The following CTDP1 variants were observed in gnomAD, a reference collection of about 807,000 sequenced individuals.
CTDP1 encodes the protein RNA polymerase II subunit A C-terminal domain phosphatase.
In CTDP1, 47 loss-of-function variants were observed where a neutral mutation model predicts 91.8. That is an observed-to-expected ratio of 0.51 (90% confidence interval 0.41 to 0.65). The LOEUF (loss-of-function observed/expected upper bound fraction) is 0.65. Among genes scored for constraint, CTDP1 ranks in the 30% least tolerant of loss-of-function variants. The pLI is 0.00. For synonymous variants in CTDP1, 656 were observed against 598.5 expected (o/e 1.10, Z -1.40); for missense variants, 1,272 against 1,373.7 (o/e 0.93, Z 1.17).
chr18:79,696,251 T>C (rs917308089), intron 3 of CTDP1, among the ~76,000 whole-genome samples, 181 bp downstream of exon 3: 1 of 152,176 alleles, frequency 6.6e-6, no homozygotes, highest in Admixed American at 6.5e-5. Flanking sequence ...ACGGTTGCCC[T>C]TGGTTCTCCA....
At chr18:79,746,758 A>G (rs1191401840) in intron 12 of CTDP1, among the ~76,000 whole-genome samples, 1 of 152,202 alleles carries the variant, frequency 6.6e-6, no homozygotes, top group African/African-American at 2.4e-5. Flanking sequence ...GTAGGACCAC[A>G]GGTGCGCACC....
Position 79,680,125 on chromosome 18 carries a change from T to TCCTCCGGGGCCTCTCAGTCCCGTGTAG in CTDP1, c.188_214dup (p.Ala63_Gly71dup). ...GTTCGAGGCCGCCGCCTCCGCGCAG[T>TCCTCCGGGGCCTCTCAGTCCCGTGTAG]CCTCCGGGGCCTCTCAGTCCCGTGT... On this transcript the variant is annotated inframe_insertion, in exon 1 of 13. Coordinates refer to ENST00000613122, the MANE Select transcript of CTDP1 (RefSeq NM_004715.5). The TCCTCCGGGGCCTCTCAGTCCCGTGTAG allele has an allele frequency of 7.0e-7, 1 of 1,426,860 alleles. No individual in the cohort carries two copies. The highest frequency in any genetic ancestry group is 1.5e-5 in the African/African-American group (1 of 67,148). The allele number at this position is 1,426,860 out of a possible 1,614,324, so 88.4% of individuals were successfully genotyped here. A position where few individuals can be genotyped will look rare whatever the true frequency, so the allele number is the denominator to read the frequency against.
chr18:79,681,802 T>G (rs9963896), intron 1 of CTDP1, among the ~76,000 whole-genome samples: 3,660 of 152,240 alleles, frequency 0.024, 128 homozygotes, highest in African/African-American at 0.081. Flanking sequence ...CTGCCTCCAG[T>G]CCATGGGCGG....
At chr18:79,736,144 G>A in intron 11 of CTDP1, 1 of 636,494 alleles carries the variant, frequency 1.6e-6, no homozygotes, top group South Asian at 1.9e-5. Flanking sequence ...AACCGACTGG[G>A]TTTGCTCTGT....
Position 79,714,594 on chromosome 18 carries a change from G to A in CTDP1, c.1134G>A (p.Glu378=). 6.2e-7 allele frequency: 1 copy of A among 1,613,066 alleles called. No homozygotes were observed. Among genetic ancestry groups the A allele is most frequent in the African/African-American group, 1.3e-5 (1 of 75,064 alleles). Residue 378 remains glutamate, a synonymous_variant, in exon 8 of 13, where the codon GAG becomes GAA. Coordinates refer to ENST00000613122, the MANE Select transcript of CTDP1 (RefSeq NM_004715.5). ...GAGTGGAGCCCAGCAATGGCCTGGA[G>A]AAGCCTGCACGGGAGCTGAACGGCA... ...APGVEPSNGL[E]KPARELNGSE... is the part of the protein sequence containing the mutation.
In CTDP1 at chr18:79,715,154, G is replaced by A. The variant is rs1369723674; in HGVS notation, c.1694G>A (p.Gly565Glu). Residue 565 changes from glycine to glutamate, a missense_variant, in exon 8 of 13, where the codon GGG becomes GAG. Coordinates refer to ENST00000613122, the MANE Select transcript of CTDP1 (RefSeq NM_004715.5). ...GAGTCACAGAACAGCGAGCTGTCGG[G>A]GGTCACTGCGGGTGAGTCCCTGGAC... is the stretch of plus-strand genomic sequence containing the variant. ...ETESQNSELS[G>E]VTAGESLDQS... 2 of 1,613,498 alleles carry A rather than the reference G, an allele frequency of 1.2e-6. No homozygotes were observed. Among genetic ancestry groups the A allele is most frequent in the African/African-American group, 2.7e-5 (2 of 75,062 alleles).
At chr18:79,734,774 C>A (rs2086633476) in intron 11 of CTDP1, among the ~76,000 whole-genome samples, 1 of 152,218 alleles carries the variant, frequency 6.6e-6, no homozygotes, top group Admixed American at 6.5e-5. Context: ...AGGAGATTTG[C>A]CATCGAAACA....
chr18:79,748,221 T>C (rs1218181922), intron 12 of CTDP1, among the ~76,000 whole-genome samples: 1 of 152,256 alleles, frequency 6.6e-6, no homozygotes, highest in Admixed American at 6.5e-5. Context: ...TTTTAATGAC[T>C]AAAGTCCATT....
intron 4 of CTDP1, among the ~76,000 whole-genome samples, chr18:79,701,757 G>A (rs149950786): frequency 8.5e-5 from 13 of 152,236 alleles, no homozygotes; most frequent in Admixed American, 3.3e-4. Context: ...GGAAGATGTC[G>A]ATTCCAACCC....
At chr18:79,712,811 G>A (rs909023017) in intron 6 of CTDP1, among the ~76,000 whole-genome samples, 161 bp from the exon 7 acceptor site, 1 of 152,156 alleles carries the variant, frequency 6.6e-6, no homozygotes, top group South Asian at 2.1e-4. Context: ...GTTTAAATGC[G>A]ACCCAAACAG....
chr18:79,695,576 ACGCAGAT>A, intron 2 of CTDP1, among the ~76,000 whole-genome samples: 1 of 152,120 alleles, frequency 6.6e-6, no homozygotes, highest in East Asian at 1.9e-4. Flanking sequence ...CTGACTGAAG[ACGCAGAT>A]CGCTGAGTGC....
chr18:79,689,792 A>G (rs1486555901), intron 1 of CTDP1, among the ~76,000 whole-genome samples: 2 of 152,146 alleles, frequency 1.3e-5, no homozygotes, highest in African/African-American at 2.4e-5. Flanking sequence ...AATAAGTAAC[A>G]TGTCTATTTA....
chr18:79,712,318 G>T (rs939228295), intron 6 of CTDP1, among the ~76,000 whole-genome samples: 11 of 152,182 alleles, frequency 7.2e-5, no homozygotes, highest in Non-Finnish European at 1.0e-4. Context: ...GTCTGGCTCG[G>T]TCGCCCAGGC....
intron 12 of CTDP1, among the ~76,000 whole-genome samples, chr18:79,740,854 A>G (rs923865196): frequency 3.3e-5 from 5 of 152,248 alleles, no homozygotes; most frequent in African/African-American, 1.2e-4. Flanking sequence ...TCCTCAAAAT[A>G]AAAAACCAAA....
intron 12 of CTDP1, among the ~76,000 whole-genome samples, chr18:79,753,420 CAGT>C (rs1158779118): frequency 6.6e-6 from 1 of 152,234 alleles, no homozygotes; most frequent in African/African-American, 2.4e-5. Flanking sequence ...CCTGCTTTGT[CAGT>C]GGTGTCCTGG....
intron 5 of CTDP1, among the ~76,000 whole-genome samples, chr18:79,709,016 G>A (rs1418772414): frequency 1.3e-5 from 2 of 152,210 alleles, no homozygotes; most frequent in South Asian, 4.1e-4. Flanking sequence ...CAGATTTATG[G>A]CTTCAGCCAC....
chr18:79,727,741 G>T (rs191093846), intron 10 of CTDP1, among the ~76,000 whole-genome samples: 2 of 152,130 alleles, frequency 1.3e-5, no homozygotes, highest in African/African-American at 2.4e-5. Flanking sequence ...CTTCATCCTC[G>T]TGCCTGTCCC....
chr18:79,748,829 G>C (rs957372352), intron 12 of CTDP1, among the ~76,000 whole-genome samples: 3 of 151,998 alleles, frequency 2.0e-5, no homozygotes, highest in Admixed American at 6.6e-5. Flanking sequence ...CTGCCTGGGA[G>C]CCGTGACTGC....
At chr18:79,679,465 T>G (rs978659817), upstream of CTDP1, 6 of 456,210 alleles carry the variant, frequency 1.3e-5, no homozygotes, top group Non-Finnish European at 2.6e-5. Flanking sequence ...ATGCTGGGTC[T>G]CAGCGCGTGA....
Sources: allele counts gnomAD v4.1 joint callset (sites outside exome capture counted in the v4.1 genomes callset), GRCh38; gene constraint gnomAD v4.1.1; transcripts MANE v1.5; gene names NCBI Gene and HGNC (gene_info 2026-07-23, HGNC 2026-07-21).